DGLUCY: variants seen among roughly 807,000 people sequenced by gnomAD.
The protein encoded by DGLUCY is D-glutamate cyclase, also known as D-glutamate cyclase, mitochondrial.
Under a neutral mutation model 58.5 loss-of-function variants are expected in DGLUCY, and 58 were observed. The observed-to-expected ratio is 0.99, with a 90% CI of 0.80 to 1.23. The LOEUF (loss-of-function observed/expected upper bound fraction) is 1.23. DGLUCY is among the 50% of genes most tolerant of loss of function. DGLUCY has a pLI of 0.00. For synonymous variants in DGLUCY, 325 were observed against 314.1 expected (o/e 1.03, Z -0.37); for missense variants, 779 against 784.7 (o/e 0.99, Z 0.09).
At chr14:91,084,942 G>A (rs190295770) in intron 1 of DGLUCY, among the ~76,000 whole-genome samples, 11 of 152,282 alleles carry the variant, frequency 7.2e-5, no homozygotes, top group Non-Finnish European at 1.5e-5. Context: ...GTTAAAAGAG[G>A]GTGGGCATGG....
At chr14:91,077,774 A>AAGAG (rs905778375) in intron 1 of DGLUCY, among the ~76,000 whole-genome samples, 5 of 149,124 alleles carry the variant, frequency 3.4e-5, no homozygotes, top group African/African-American at 1.2e-4. Flanking sequence ...GAGAGAGAGA[A>AAGAG]AGAGAGGAAG....
chr14:91,116,782 A>T (rs1211266285), intron 1 of DGLUCY, among the ~76,000 whole-genome samples: 5 of 152,136 alleles, frequency 3.3e-5, no homozygotes, highest in African/African-American at 1.2e-4. Flanking sequence ...CATCTCTATT[A>T]AAAATACAAA....
chr14:91,089,690 G>A lies in DGLUCY; in HGVS notation c.-82+28986G>A, dbSNP rs567267389. Among the ~76,000 whole-genome samples, 33 of 151,820 alleles carry A rather than the reference G, an allele frequency of 2.2e-4. 1 individual carries two copies. The South Asian group carries it at 6.0e-3, about 28-fold the overall frequency. On this transcript the variant is annotated intron_variant, in intron 1 of 4. Transcript: ENST00000521334. ...ACAAAAATTAACCAGGCATAGTGGC[G>A]CATGCCTATAATCCCAGCTACTTGG... is the stretch of plus-strand genomic sequence containing the variant.
chr14:91,161,619 T>C (rs910122786), intron 3 of DGLUCY, among the ~76,000 whole-genome samples: 15 of 152,034 alleles, frequency 9.9e-5, no homozygotes, highest in African/African-American at 3.6e-4. Flanking sequence ...TGAGACAGAT[T>C]CCAAGAGAAT....
chr14:91,104,066 T>TTTTTTTTTC (rs1566941637), upstream of DGLUCY, among the ~76,000 whole-genome samples: 5 of 125,218 alleles, frequency 4.0e-5, 1 homozygote, highest in Admixed American at 8.0e-5. Flanking sequence ...ACATTCTTTT[T>TTTTTTTTTC]TTTTTTTTTT....
intron 1 of DGLUCY, among the ~76,000 whole-genome samples, chr14:91,136,096 G>A (rs1320527220): frequency 6.6e-6 from 1 of 151,528 alleles, no homozygotes; most frequent in East Asian, 2.0e-4. Flanking sequence ...CACTATGCCC[G>A]GCTAATTTTT....
intron 7 of DGLUCY, among the ~76,000 whole-genome samples, chr14:91,176,802 A>T (rs2048878922): frequency 6.6e-6 from 1 of 152,154 alleles, no homozygotes. Context: ...AGGTTTTGCC[A>T]TGTTGGCCAC....
chr14:91,112,945 G>A (rs1299953404), upstream of DGLUCY, among the ~76,000 whole-genome samples: 1 of 140,214 alleles, frequency 7.1e-6, no homozygotes. Context: ...ATTGCAGTGA[G>A]CCAAGATCGC....
intron 1 of DGLUCY, among the ~76,000 whole-genome samples, chr14:91,081,971 A>G (rs1036418356): frequency 6.6e-6 from 1 of 152,096 alleles, no homozygotes; most frequent in Non-Finnish European, 1.5e-5. Context: ...CGTCCCACTC[A>G]TAAGGACCTT....
intron 6 of DGLUCY, 141 bp from the exon 7 acceptor site, chr14:91,175,793 C>T (rs1406681419): frequency 1.1e-6 from 1 of 937,414 alleles, no homozygotes; most frequent in Non-Finnish European, 1.6e-6. Context: ...TCCCTATTCT[C>T]CTTCACCTCT....
intron 1 of DGLUCY, among the ~76,000 whole-genome samples, chr14:91,079,121 C>G (rs2044081012): frequency 6.6e-6 from 1 of 151,780 alleles, no homozygotes; most frequent in Non-Finnish European, 1.5e-5. Flanking sequence ...CCAGGCTGGT[C>G]TCAAACTCCT....
At chr14:91,128,160 A>C (rs975485569) in intron 1 of DGLUCY, among the ~76,000 whole-genome samples, 41 of 152,020 alleles carry the variant, frequency 2.7e-4, no homozygotes, top group African/African-American at 9.2e-4. Context: ...TACTTAGGAC[A>C]CTTGATTGCA....
upstream of DGLUCY, among the ~76,000 whole-genome samples, chr14:91,104,004 G>T (rs571831522): frequency 6.6e-6 from 1 of 150,572 alleles, no homozygotes; most frequent in South Asian, 2.1e-4. Flanking sequence ...GAGCAGTAGT[G>T]CTCAACCTAG....
At chr14:91,177,965 C>T (rs900787196) in intron 7 of DGLUCY, among the ~76,000 whole-genome samples, 1 of 152,234 alleles carries the variant, frequency 6.6e-6, no homozygotes, top group African/African-American at 2.4e-5. Flanking sequence ...CACCCACCCA[C>T]GTGCAGTAAA....
At chr14:91,160,437 A>G (rs765904379) in intron 3 of DGLUCY, 40 bp downstream of exon 3, 13 of 1,394,492 alleles carry the variant, frequency 9.3e-6, no homozygotes, top group South Asian at 3.9e-5. Context: ...AAAAAAAAAA[A>G]AAAAGAAAGT....
intron 1 of DGLUCY, among the ~76,000 whole-genome samples, chr14:91,142,843 ACACAC>A (rs1334242923): frequency 0.017 from 143 of 8,334 alleles, 1 homozygote; most frequent in African/African-American, 0.034. Context: ...TCTACTAAAC[ACACAC>A]ACACACACAC....
chr14:91,162,166 G>A (rs560174742), intron 3 of DGLUCY, among the ~76,000 whole-genome samples: 4 of 152,304 alleles, frequency 2.6e-5, no homozygotes, highest in Admixed American at 1.3e-4. Flanking sequence ...CCCCGCTGCC[G>A]TGAAATGCTC....
chr14:91,173,510 CTGCCCA>C (rs2048688346), intron 6 of DGLUCY, 71 bp downstream of exon 6: 1 of 1,477,106 alleles, frequency 6.8e-7, no homozygotes, highest in Non-Finnish European at 9.0e-7. Context: ...TCTCTCGCTC[CTGCCCA>C]TGATCCCCCT....
chr14:91,186,149 C>A (rs1000404697), intron 8 of DGLUCY, among the ~76,000 whole-genome samples: 1 of 152,086 alleles, frequency 6.6e-6, no homozygotes, highest in Non-Finnish European at 1.5e-5. Flanking sequence ...TACAGTTGAC[C>A]AAGTTCTCAC....
Sources: allele counts gnomAD v4.1 joint callset (sites outside exome capture counted in the v4.1 genomes callset), GRCh38; gene constraint gnomAD v4.1.1; transcripts MANE v1.5; gene names NCBI Gene and HGNC (gene_info 2026-07-23, HGNC 2026-07-21).